The following DOCK1 variants were observed in gnomAD, a reference collection of about 807,000 sequenced individuals.
DOCK1 encodes the protein dedicator of cytokinesis 1, also known as dedicator of cytokinesis protein 1.
Under a neutral mutation model 262.7 loss-of-function variants are expected in DOCK1, and 138 were observed. The ratio of observed to expected loss-of-function variants is 0.53; its 90% confidence interval spans 0.46 to 0.61. The LOEUF (loss-of-function observed/expected upper bound fraction) is 0.61. Among genes scored for constraint, DOCK1 ranks in the 20% least tolerant of loss-of-function variants. DOCK1 has a pLI of 0.00. For synonymous variants in DOCK1, 866 were observed against 867.4 expected (o/e 1.00, Z 0.03); for missense variants, 1,908 against 2,370.7 (o/e 0.80, Z 4.05).
intron 29 of DOCK1, among the ~76,000 whole-genome samples, chr10:127,261,610 C>G (rs953389450): frequency 1.2e-5 from 1 of 85,126 alleles, no homozygotes; most frequent in African/African-American, 5.5e-5. Context: ...CCTGCATGTA[C>G]CCGTGCTCAT....
At chr10:127,143,884 C>T (rs747993118) in intron 27 of DOCK1, among the ~76,000 whole-genome samples, 1 of 152,152 alleles carries the variant, frequency 6.6e-6, no homozygotes, top group Admixed American at 6.5e-5. Context: ...ATCTGAGGGG[C>T]ACTGGAAATC....
intron 5 of DOCK1, chr10:126,988,003 A>AT (rs5788814): frequency 0.041 from 5,489 of 135,218 alleles, 307 homozygotes; most frequent in African/African-American, 0.13. Context: ...GGCAATTACT[A>AT]TTTTTTTTTT....
At position 126,918,178 on chromosome 10, in the gene DOCK1, C is replaced by T. The variant is rs540110537; in HGVS notation, c.46+12615C>T. ...CTCCGCTGATGCTCAGGATCACCAG[C>T]GTGCAGCGGGGACTCCACTGATGCC... On this transcript the variant is annotated intron_variant, in intron 1 of 51. Transcript: ENST00000623213. 5.9e-5 allele frequency among the ~76,000 whole-genome samples: 9 copies of T among 152,282 alleles called. No individual in the cohort carries two copies. In the East Asian group the frequency reaches 9.7e-4, roughly 16 times the overall value.
intron 27 of DOCK1, among the ~76,000 whole-genome samples, chr10:127,193,669 C>T (rs772735122): frequency 4.6e-5 from 7 of 152,188 alleles, no homozygotes; most frequent in Non-Finnish European, 8.8e-5. Context: ...TTTTGGACTG[C>T]TTATTTCAGT....
intron 22 of DOCK1, among the ~76,000 whole-genome samples, chr10:127,058,561 A>G (rs1591839528): frequency 1.3e-5 from 2 of 151,688 alleles, no homozygotes; most frequent in Admixed American, 6.6e-5. Context: ...TCCCTTCCCC[A>G]TCTGTATTAT....
chr10:127,228,740 A>T (rs981092520), intron 27 of DOCK1, among the ~76,000 whole-genome samples: 6 of 152,228 alleles, frequency 3.9e-5, no homozygotes, highest in African/African-American at 1.4e-4. Flanking sequence ...AATCACACAC[A>T]TTCTCTAGCA....
At chr10:127,057,777 A>G (rs563546129) in intron 22 of DOCK1, among the ~76,000 whole-genome samples, 2 of 152,300 alleles carry the variant, frequency 1.3e-5, no homozygotes, top group South Asian at 2.1e-4. Context: ...TTTGCCTGTC[A>G]TCTGGTGTTA....
At chr10:127,306,711 G>C (rs185608220) in intron 29 of DOCK1, among the ~76,000 whole-genome samples, 5 of 152,136 alleles carry the variant, frequency 3.3e-5, no homozygotes, top group Admixed American at 6.5e-5. Flanking sequence ...ACTACATTAC[G>C]GGAAGCTTGG....
intron 27 of DOCK1, among the ~76,000 whole-genome samples, chr10:127,177,601 TG>T (rs1299580355): frequency 2.6e-5 from 4 of 152,128 alleles, no homozygotes; most frequent in Non-Finnish European, 5.9e-5. Context: ...GTCATGGACA[TG>T]GGCCCGTGAG....
chr10:127,098,336 CA>C (rs1335275882), intron 23 of DOCK1, among the ~76,000 whole-genome samples: 1 of 152,184 alleles, frequency 6.6e-6, no homozygotes, highest in Non-Finnish European at 1.5e-5. Context: ...TGGCACTTTA[CA>C]AATGGAAGTT....
At chr10:127,120,202 G>A (rs186999881) in intron 25 of DOCK1, among the ~76,000 whole-genome samples, 12 of 152,272 alleles carry the variant, frequency 7.9e-5, no homozygotes, top group Non-Finnish European at 1.8e-4. Context: ...AAGCACTGGC[G>A]GTCCTGGAGT....
chr10:127,107,874 T>C (rs768335977), intron 24 of DOCK1, among the ~76,000 whole-genome samples: 6 of 152,204 alleles, frequency 3.9e-5, no homozygotes, highest in East Asian at 1.9e-4. Context: ...ACAGATCAGC[T>C]CCGCACCCGC....
chr10:127,365,889 G>A (rs542592531), intron 33 of DOCK1, among the ~76,000 whole-genome samples: 7 of 152,306 alleles, frequency 4.6e-5, no homozygotes, highest in South Asian at 2.1e-4. Flanking sequence ...TTTAAACACC[G>A]CCTTCCCATT....
chr10:127,023,375 A>G (rs1366241070), intron 14 of DOCK1, 51 bp downstream of exon 14: 38 of 1,606,624 alleles, frequency 2.4e-5, no homozygotes, highest in Middle Eastern at 1.7e-4. Flanking sequence ...TTACTTGCCA[A>G]GTGCTCACCT....
At chr10:127,195,425 C>T (rs1178847461) in intron 27 of DOCK1, among the ~76,000 whole-genome samples, 4 of 152,066 alleles carry the variant, frequency 2.6e-5, no homozygotes, top group African/African-American at 9.7e-5. Context: ...CCAACCCCAG[C>T]GAGTGGAGGA....
intron 33 of DOCK1, among the ~76,000 whole-genome samples, chr10:127,365,295 C>A (rs563297327): frequency 1.3e-5 from 2 of 152,140 alleles, no homozygotes; most frequent in South Asian, 2.1e-4. Flanking sequence ...AATGTAATTA[C>A]GGATTTCAAA....
At chr10:127,014,644 T>C (rs1306493968) in intron 12 of DOCK1, among the ~76,000 whole-genome samples, 3 of 152,208 alleles carry the variant, frequency 2.0e-5, no homozygotes, top group Non-Finnish European at 4.4e-5. Context: ...TGGACATTCA[T>C]TCTCCAGGGA....
intron 27 of DOCK1, among the ~76,000 whole-genome samples, chr10:127,171,820 C>T (rs575076488): frequency 3.2e-4 from 48 of 152,342 alleles, no homozygotes; most frequent in Middle Eastern, 6.8e-3. Flanking sequence ...TCTCCTGCCT[C>T]AGCCTCTGGA....
chr10:127,294,536 G>A (rs2061443474), intron 29 of DOCK1, among the ~76,000 whole-genome samples: 1 of 152,036 alleles, frequency 6.6e-6, no homozygotes, highest in Admixed American at 6.6e-5. Flanking sequence ...TGACCAGGCT[G>A]GTCTTGAACT....
Sources: allele counts gnomAD v4.1 joint callset (sites outside exome capture counted in the v4.1 genomes callset), GRCh38; gene constraint gnomAD v4.1.1; transcripts MANE v1.5; gene names NCBI Gene and HGNC (gene_info 2026-07-23, HGNC 2026-07-21).